TMEM132B: variants seen among roughly 807,000 people sequenced by gnomAD.
The protein encoded by TMEM132B is transmembrane protein 132B.
TMEM132B carries 18 observed loss-of-function variants against 90.8 expected under a neutral mutation model. That is an observed-to-expected ratio of 0.20 (90% CI 0.14 to 0.29). The LOEUF (loss-of-function observed/expected upper bound fraction) is 0.29. Ranked by LOEUF, TMEM132B falls within the 10% of genes least tolerant of loss-of-function variation. The pLI, the probability that TMEM132B is intolerant of heterozygous loss-of-function variation, is 1.00. For missense variants in TMEM132B, 1,096 were observed against 1,326.8 expected (o/e 0.83, Z 2.70); for synonymous variants, 504 against 523.3 (o/e 0.96, Z 0.50).
intron 1 of TMEM132B, among the ~76,000 whole-genome samples, chr12:125,249,991 C>T (rs561382233): frequency 3.3e-5 from 5 of 152,348 alleles, no homozygotes; most frequent in African/African-American, 4.8e-5. Flanking sequence ...GACTCTGAGG[C>T]GGAGGCCAGA....
intron 4 of TMEM132B, among the ~76,000 whole-genome samples, chr12:125,526,990 C>T (rs533348653): frequency 8.5e-4 from 127 of 149,326 alleles, no homozygotes; most frequent in African/African-American, 3.0e-3. Flanking sequence ...ACCCATCCAC[C>T]CTTCTATCCA....
chr12:125,329,792 C>A (rs1593087339), intron 1 of TMEM132B, among the ~76,000 whole-genome samples: 2 of 152,334 alleles, frequency 1.3e-5, no homozygotes, highest in Admixed American at 1.3e-4. Context: ...ACAACAGGAA[C>A]AGCTTTCAGG....
rs987279519 is a variant in TMEM132B, at chr12:125,576,515, T to C, written c.1294-7336T>C. 2.2e-5 allele frequency among the ~76,000 whole-genome samples: 3 copies of C among 135,192 alleles called. No homozygotes were observed. The Admixed American group carries it at 2.4e-4, about 11-fold the overall frequency. 88.7% of individuals were successfully genotyped at this position (135,192 alleles called of 152,430 possible). On this transcript the variant is annotated intron_variant, in intron 4 of 8. Coordinates refer to ENST00000682704, the MANE Select transcript of TMEM132B (RefSeq NM_001366854.1). ...CTAGAACCTCCAGTACAACACTGGA[T>C]AGAAGTGGTGAGAGTCATCTTTGTC...
At chr12:125,648,238 C>A (rs958991564) in intron 6 of TMEM132B, among the ~76,000 whole-genome samples, 3 of 152,012 alleles carry the variant, frequency 2.0e-5, no homozygotes, top group African/African-American at 7.2e-5. Context: ...TGAACTCATC[C>A]TTTTTTATGG....
At chr12:125,403,016 C>T (rs942870927) in intron 2 of TMEM132B, among the ~76,000 whole-genome samples, 3 of 152,126 alleles carry the variant, frequency 2.0e-5, no homozygotes, top group African/African-American at 7.2e-5. Context: ...TTTACACATC[C>T]AATTGTTTTA....
At chr12:125,427,051 A>G (rs528636528) in intron 3 of TMEM132B, among the ~76,000 whole-genome samples, 14 of 152,278 alleles carry the variant, frequency 9.2e-5, no homozygotes, top group African/African-American at 3.4e-4. Context: ...GACCTATTAA[A>G]CCATTCTGTA....
intron 2 of TMEM132B, among the ~76,000 whole-genome samples, chr12:125,398,631 G>T (rs1032593755): frequency 6.6e-6 from 1 of 152,192 alleles, no homozygotes; most frequent in Non-Finnish European, 1.5e-5. Context: ...GTTCAGTGTG[G>T]TCAAGTTTCA....
intron 2 of TMEM132B, among the ~76,000 whole-genome samples, chr12:125,367,322 G>C (rs943904341): frequency 3.3e-5 from 5 of 152,042 alleles, no homozygotes; most frequent in Non-Finnish European, 5.9e-5. Context: ...TGTTTCTTTT[G>C]TTTCAGCAGG....
chr12:125,384,607 A>G (rs990520817), intron 2 of TMEM132B, among the ~76,000 whole-genome samples: 1 of 152,208 alleles, frequency 6.6e-6, no homozygotes, highest in African/African-American at 2.4e-5. Flanking sequence ...CCATCATTCT[A>G]TGCAGTAGAT....
chr12:125,371,991 A>G (rs1405589904), intron 2 of TMEM132B, among the ~76,000 whole-genome samples: 1 of 152,242 alleles, frequency 6.6e-6, no homozygotes, highest in East Asian at 1.9e-4. Flanking sequence ...TTCAGAAAAA[A>G]TCACTAAAAA....
At chr12:125,376,215 A>G (rs1878475865) in intron 2 of TMEM132B, among the ~76,000 whole-genome samples, 2 of 152,168 alleles carry the variant, frequency 1.3e-5, no homozygotes, top group Non-Finnish European at 2.9e-5. Context: ...ACAATTCAAT[A>G]ACATTGTTTT....
rs1438727265 is a variant in TMEM132B, at chr12:125,415,399, C to T, written c.960-132C>T. The T allele has an allele frequency of 1.1e-5, 13 of 1,170,276 alleles. No individual in the cohort carries two copies. Among genetic ancestry groups the T allele is most frequent in the Non-Finnish European group, 1.4e-5 (12 of 847,698 alleles). The allele number at this position is 1,170,276 out of a possible 1,614,324, so 72.5% of individuals were successfully genotyped here. A position where few individuals can be genotyped will look rare whatever the true frequency, so the allele number is the denominator to read the frequency against. ...AAAGCCACTTGCCACCACTCTCCCC[C>T]ACATCTCCCAGAGGAAGGGGGCGAT... is the stretch of plus-strand genomic sequence containing the variant. On this transcript the variant is annotated intron_variant, in intron 2 of 8. Transcript: ENST00000682704. The surrounding 1 kb of genome is among the most constrained non-coding windows in gnomAD (Gnocchi z 5.3).
intron 1 of TMEM132B, among the ~76,000 whole-genome samples, chr12:125,282,117 C>T (rs192999670): frequency 3.3e-5 from 5 of 149,408 alleles, no homozygotes; most frequent in East Asian, 2.0e-4. Context: ...GTGCCTGTCA[C>T]GGACATGGAA....
chr12:125,554,006 C>T (rs186942688), intron 4 of TMEM132B, among the ~76,000 whole-genome samples: 2 of 152,182 alleles, frequency 1.3e-5, no homozygotes, highest in Non-Finnish European at 2.9e-5. Flanking sequence ...AACTCTCTTC[C>T]TGTTGATTAT....
intron 3 of TMEM132B, among the ~76,000 whole-genome samples, chr12:125,515,849 C>T (rs546402896): frequency 8.6e-5 from 13 of 152,006 alleles, no homozygotes; most frequent in Non-Finnish European, 1.5e-4. Flanking sequence ...CACACACCTC[C>T]ACACATTCTC....
intron 1 of TMEM132B, among the ~76,000 whole-genome samples, chr12:125,189,753 T>G (rs1033126836): frequency 6.6e-6 from 1 of 151,952 alleles, no homozygotes; most frequent in Non-Finnish European, 1.5e-5. Flanking sequence ...ATGAGCACGG[T>G]GGTTGCCTTG....
chr12:125,222,960 G>C (rs1185282424), intron 1 of TMEM132B, among the ~76,000 whole-genome samples: 1 of 152,210 alleles, frequency 6.6e-6, no homozygotes, highest in Non-Finnish European at 1.5e-5. Flanking sequence ...AGGAACTGTA[G>C]ATTCAATACA....
intron 4 of TMEM132B, among the ~76,000 whole-genome samples, chr12:125,537,838 TG>T (rs1174267606): frequency 6.6e-6 from 1 of 152,174 alleles, no homozygotes; most frequent in Non-Finnish European, 1.5e-5. Flanking sequence ...TTATTGGCTG[TG>T]GGACCTGGGG....
At chr12:125,308,608 T>C (rs1295059215) in intron 1 of TMEM132B, among the ~76,000 whole-genome samples, 1 of 152,190 alleles carries the variant, frequency 6.6e-6, no homozygotes, top group Non-Finnish European at 1.5e-5. Flanking sequence ...TAGCAGGATG[T>C]GAAAAACCTT....
Sources: gnomAD v4.1 joint callset for allele counts (sites outside exome capture counted in the v4.1 genomes callset) on GRCh38, gnomAD v4.1.1 for gene constraint, Gnocchi (gnomAD v3.1) non-coding constraint, MANE v1.5 for transcripts, NCBI Gene and HGNC (gene_info 2026-07-23, HGNC 2026-07-21) for gene names.